DIAPH2: variants seen among roughly 807,000 people sequenced by gnomAD.
DIAPH2 encodes diaphanous related formin 2, also known as protein diaphanous homolog 2.
In DIAPH2, 35 loss-of-function variants were observed where a neutral mutation model predicts 92.7. The observed-to-expected ratio is 0.38, with a 90% CI of 0.29 to 0.50. The LOEUF is 0.50. DIAPH2 is among the 20% of genes least tolerant of loss of function. The probability of loss-of-function intolerance (pLI) is 0.94; values close to 1 mark genes in which losing one functional copy is unlikely to be tolerated. For missense variants in DIAPH2, 701 were observed against 819.5 expected (o/e 0.86, Z 1.77); for synonymous variants, 301 against 280.4 (o/e 1.07, Z -0.73).
chrX:97,173,039 A>G (rs935291403), intron 22 of DIAPH2, among the ~76,000 whole-genome samples: 2 of 112,642 alleles, frequency 1.8e-5, no homozygotes, highest in Non-Finnish European at 3.7e-5. Flanking sequence ...TACCACAACT[A>G]AAAGTAAAAT....
At chrX:97,000,385 C>T (rs764642378) in intron 17 of DIAPH2, among the ~76,000 whole-genome samples, 8 of 112,235 alleles carry the variant, frequency 7.1e-5, no homozygotes, top group African/African-American at 1.3e-4. Context: ...AAAATTTTCA[C>T]GACTCATTTA....
At chrX:96,760,076 C>G (rs1004312866) in intron 4 of DIAPH2, among the ~76,000 whole-genome samples, 1 of 111,223 alleles carries the variant, frequency 9.0e-6, no homozygotes, top group Non-Finnish European at 1.9e-5. Flanking sequence ...ATTCAGTGTA[C>G]ATATGAGCAC....
At chrX:97,506,752 T>A (rs2070837864) in intron 26 of DIAPH2, among the ~76,000 whole-genome samples, 1 of 111,481 alleles carries the variant, frequency 9.0e-6, no homozygotes, top group East Asian at 2.8e-4. Flanking sequence ...TAGTGCTGTA[T>A]ATAGTTCTGT....
chrX:96,998,932 C>G (rs188527440), intron 17 of DIAPH2, among the ~76,000 whole-genome samples: 1 of 112,324 alleles, frequency 8.9e-6, no homozygotes, highest in African/African-American at 3.2e-5. Context: ...GTACCTGCTG[C>G]ATATTACAGA....
intron 22 of DIAPH2, among the ~76,000 whole-genome samples, chrX:97,246,677 G>A (rs1317376061): frequency 8.9e-6 from 1 of 112,205 alleles, no homozygotes; most frequent in Non-Finnish European, 1.9e-5. Context: ...ATTTTTCATT[G>A]TAATGCTGAT....
At chrX:97,208,542 G>A (rs754758678) in intron 22 of DIAPH2, among the ~76,000 whole-genome samples, 93 of 111,752 alleles carry the variant, frequency 8.3e-4, no homozygotes, top group African/African-American at 2.9e-3. Context: ...GCTTTTCTGT[G>A]TTCGCTACTT....
intron 15 of DIAPH2, among the ~76,000 whole-genome samples, chrX:96,953,451 A>G (rs1409852432): frequency 8.9e-6 from 1 of 111,859 alleles, no homozygotes; most frequent in African/African-American, 3.2e-5. Flanking sequence ...TATATTTTAA[A>G]CTTTCATAAA....
chrX:96,928,549 A>G (rs2065598825), intron 9 of DIAPH2, among the ~76,000 whole-genome samples: 1 of 111,691 alleles, frequency 9.0e-6, no homozygotes, highest in Non-Finnish European at 1.9e-5. Flanking sequence ...GCAAAAATTT[A>G]GATGACCTTT....
At chrX:97,587,195 G>C (rs2071484431) in intron 26 of DIAPH2, among the ~76,000 whole-genome samples, 1 of 110,389 alleles carries the variant, frequency 9.1e-6, no homozygotes. Flanking sequence ...TGACAGCAAG[G>C]CTCCTCCTCT....
chrX:96,853,390 A>G (rs2065017004), intron 4 of DIAPH2, among the ~76,000 whole-genome samples: 1 of 111,899 alleles, frequency 8.9e-6, no homozygotes, highest in East Asian at 2.8e-4. Context: ...GCATTAGAAA[A>G]TAATGAAGTT....
intron 17 of DIAPH2, among the ~76,000 whole-genome samples, chrX:97,020,560 G>T (rs1177619377): frequency 1.8e-5 from 2 of 111,567 alleles, no homozygotes; most frequent in Non-Finnish European, 3.8e-5. Flanking sequence ...TAATAAAGTA[G>T]AACAATAAAA....
chrX:97,040,712 C>T (rs892896879), intron 17 of DIAPH2, among the ~76,000 whole-genome samples: 2 of 109,651 alleles, frequency 1.8e-5, no homozygotes, highest in African/African-American at 6.6e-5. Context: ...TTTATTTTTA[C>T]TATTTTAAAA....
intron 4 of DIAPH2, among the ~76,000 whole-genome samples, chrX:96,872,840 G>C (rs754848791): frequency 1.2e-4 from 13 of 111,369 alleles, no homozygotes; most frequent in Non-Finnish European, 1.7e-4. Flanking sequence ...TGGATACTTA[G>C]GTTGCTTCCA....
intron 4 of DIAPH2, among the ~76,000 whole-genome samples, chrX:96,846,862 A>G (rs1361107639): frequency 9.2e-6 from 1 of 109,207 alleles, no homozygotes; most frequent in Non-Finnish European, 1.9e-5. Context: ...TGTCTTTGGT[A>G]TACCAAAATT....
intron 4 of DIAPH2, among the ~76,000 whole-genome samples, chrX:96,845,990 G>A (rs770313219): frequency 9.0e-4 from 100 of 110,701 alleles, no homozygotes; most frequent in Middle Eastern, 4.7e-3. Context: ...AGCAGAGACA[G>A]GGTTTTACCA....
chrX:96,793,381 G>T (rs939210758), intron 4 of DIAPH2, among the ~76,000 whole-genome samples: 1 of 112,260 alleles, frequency 8.9e-6, no homozygotes, highest in Non-Finnish European at 1.9e-5. Flanking sequence ...GCTGGCCAGC[G>T]TCGTCTCCAG....
intron 24 of DIAPH2, among the ~76,000 whole-genome samples, chrX:97,355,994 A>T (rs377638134): frequency 9.0e-6 from 1 of 111,586 alleles, no homozygotes; most frequent in East Asian, 2.8e-4. Flanking sequence ...TGCAGGCAAA[A>T]CTGCTTGGGG....
At chrX:97,070,763 AAC>A (rs1050216538) in intron 17 of DIAPH2, among the ~76,000 whole-genome samples, 22 of 111,998 alleles carry the variant, frequency 2.0e-4, no homozygotes, top group African/African-American at 6.1e-4. Context: ...CAAGTTATAT[AAC>A]ACAAGGAAAA....
chrX:96,927,374 G>T (rs1390661234), intron 9 of DIAPH2, among the ~76,000 whole-genome samples: 3 of 106,709 alleles, frequency 2.8e-5, no homozygotes, highest in African/African-American at 1.0e-4. Flanking sequence ...TATATACTTG[G>T]AAGTTGAGCA....
Sources: gnomAD v4.1 joint callset for allele counts (sites outside exome capture counted in the v4.1 genomes callset) on GRCh38, gnomAD v4.1.1 for gene constraint, MANE v1.5 for transcripts, NCBI Gene and HGNC (gene_info 2026-07-23, HGNC 2026-07-21) for gene names.